SHC4: variants seen among roughly 807,000 people sequenced by gnomAD.
The protein encoded by SHC4 is SHC-transforming protein 4.
A neutral mutation model predicts 69.4 loss-of-function variants in SHC4; 41 were observed. The observed-to-expected ratio is 0.59, with a 90% CI of 0.46 to 0.77. The LOEUF is 0.77. SHC4 is among the 30% of genes least tolerant of loss of function. The pLI is 0.00. For synonymous variants in SHC4, 318 were observed against 299.3 expected, an observed-to-expected ratio of 1.06 and a Z score of -0.64; for missense variants, 777 against 783.8, an observed-to-expected ratio of 0.99 and a Z score of 0.10.
intron 2 of SHC4, among the ~76,000 whole-genome samples, chr15:48,923,725 G>C (rs1900795077): frequency 7.2e-6 from 1 of 138,238 alleles, no homozygotes. Flanking sequence ...CTGAAGCCTT[G>C]AACTCCTGGG....
intron 4 of SHC4, chr15:48,878,097 T>C: frequency 1.3e-6 from 2 of 1,498,658 alleles, no homozygotes; most frequent in East Asian, 2.3e-5. Flanking sequence ...CGCGCAGCCT[T>C]TGCGCACGCG....
chr15:48,848,399 T>G (rs1899139455), intron 9 of SHC4, among the ~76,000 whole-genome samples: 1 of 152,190 alleles, frequency 6.6e-6, no homozygotes. Context: ...AAGTTCCCAG[T>G]TACAATCATT....
At chr15:48,924,801 G>C in intron 2 of SHC4, 78 bp downstream of exon 2, 1 of 1,459,664 alleles carries the variant, frequency 6.9e-7, no homozygotes. Flanking sequence ...TGGAAGGTTT[G>C]CATAAAATTC....
rs1192472989 is a variant in SHC4, at chr15:48,884,342, A to G, written c.746T>C (p.Val249Ala). The G allele has an allele frequency of 4.4e-6, 7 of 1,609,188 alleles. No homozygotes were observed. Among genetic ancestry groups the G allele is most frequent in the African/African-American group, 4.0e-5 (3 of 74,654 alleles). ...RKPPVKFLST[V>A]LGKSNLQFSG... ...AAACTGAAGATTACTTTTGCCAAGG[A>G]CTGTTGATAGGAACTTAACTGGAGG... is the stretch of plus-strand genomic sequence containing the variant. The change falls in exon 4 of 12, where the codon GTC becomes GCC. Residue 249 changes from valine to alanine, a missense_variant. Coordinates refer to ENST00000332408, the MANE Select transcript of SHC4 (RefSeq NM_203349.4).
intron 9 of SHC4, among the ~76,000 whole-genome samples, chr15:48,848,861 T>G (rs1254391055): frequency 6.6e-6 from 1 of 152,138 alleles, no homozygotes; most frequent in African/African-American, 2.4e-5. Context: ...TTGAGAACTC[T>G]TGGGGGAAAA....
chr15:48,918,699 G>GA (rs1290740648), intron 2 of SHC4, among the ~76,000 whole-genome samples: 2 of 151,944 alleles, frequency 1.3e-5, no homozygotes, highest in Admixed American at 6.6e-5. Flanking sequence ...GAGCTCCTGA[G>GA]AAAAAAATGT....
chr15:48,923,635 C>CTTTT (rs59906872), intron 2 of SHC4, among the ~76,000 whole-genome samples: 109 of 92,486 alleles, frequency 1.2e-3, no homozygotes, highest in African/African-American at 2.0e-3. Flanking sequence ...ACTACTCAGT[C>CTTTT]TTTTTTTTTT....
chr15:48,897,250 G>A (rs531387085), intron 2 of SHC4, among the ~76,000 whole-genome samples: 5 of 152,224 alleles, frequency 3.3e-5, no homozygotes, highest in African/African-American at 1.2e-4. Flanking sequence ...TTATTGTTTC[G>A]CCACATGAGA....
At chr15:48,951,923 T>C (rs527503975) in intron 1 of SHC4, among the ~76,000 whole-genome samples, 2 of 152,340 alleles carry the variant, frequency 1.3e-5, no homozygotes, top group East Asian at 1.9e-4. Context: ...GCAAGAATTA[T>C]GTCTCATTCA....
At position 48,962,856 on chromosome 15, in the gene SHC4, C is replaced by G; in HGVS notation, c.160G>C (p.Gly54Arg). ...GSSGGSVGNK[G>R]SPQPPHPALA... The stretch of plus-strand genomic sequence containing the variant: ...GCGGGGTGGGGAGGCTGCGGCGAGC[C>G]CTTGTTCCCGACCGAGCCTCCGGAG... The change falls in exon 1 of 12, where the codon GGC becomes CGC. Residue 54 changes from glycine to arginine, a missense_variant. Gly to Arg is a moderately radical substitution (Grantham distance 125). Transcript: ENST00000332408. The G allele has an allele frequency of 6.2e-7, 1 of 1,613,176 alleles. No homozygotes were observed. The highest frequency in any genetic ancestry group is 8.5e-7 in the Non-Finnish European group (1 of 1,180,028).
chr15:48,930,245 T>C (rs1380324196), intron 1 of SHC4, among the ~76,000 whole-genome samples: 1 of 152,242 alleles, frequency 6.6e-6, no homozygotes, highest in Non-Finnish European at 1.5e-5. Flanking sequence ...TTTATACAAA[T>C]AAGTGTAAAC....
intron 1 of SHC4, chr15:48,946,535 C>G (rs928790772): frequency 4.1e-6 from 4 of 964,006 alleles, no homozygotes; most frequent in Non-Finnish European, 3.7e-6. Flanking sequence ...TAAGTGACAG[C>G]CTAGTTGTAA....
chr15:48,856,174 T>C (rs770633518), intron 7 of SHC4, 50 bp from the exon 8 acceptor site: 11 of 1,549,632 alleles, frequency 7.1e-6, no homozygotes, highest in Non-Finnish European at 8.8e-6. Context: ...ATTCAAATAC[T>C]GTAAGGGATG....
chr15:48,841,830 A>AT (rs1898994113), intron 10 of SHC4, among the ~76,000 whole-genome samples: 1 of 152,250 alleles, frequency 6.6e-6, no homozygotes, highest in South Asian at 2.1e-4. Context: ...GAAAGTCAGC[A>AT]TAAAGAGGGA....
chr15:48,878,944 AAGACCGTT>A (rs1304133910), intron 4 of SHC4: 4 of 495,716 alleles, frequency 8.1e-6, no homozygotes, highest in African/African-American at 7.7e-5. Context: ...AAAAGATTTT[AAGACCGTT>A]GAAATCAATT....
chr15:48,849,289 G>A (rs1899159999), intron 9 of SHC4, among the ~76,000 whole-genome samples: 2 of 151,760 alleles, frequency 1.3e-5, no homozygotes, highest in Admixed American at 1.3e-4. Flanking sequence ...CTCCCTCTCT[G>A]TGCCTGGATA....
rs1901571900 is a variant in SHC4, at chr15:48,962,950, G to A, written c.66C>T (p.Pro22=). 1 of 1,613,042 alleles carries A rather than the reference G, an allele frequency of 6.2e-7. No individual in the cohort carries two copies. The highest frequency in any genetic ancestry group is 1.3e-5 in the African/African-American group (1 of 74,950). The change falls in exon 1 of 12, where the codon CCC becomes CCT. Residue 22 remains proline (P), a synonymous_variant. Coordinates refer to ENST00000332408, the MANE Select transcript of SHC4 (RefSeq NM_203349.4). Reference sequence around the variant, plus strand: ...TGTACTTGGCCCTGTGCAGCATCCCGGGGTGCCCGAAGAGTCCTACATACA... The same window carrying A: ...TGTACTTGGCCCTGTGCAGCATCCCAGGGTGCCCGAAGAGTCCTACATACA... ...LVLYVGLFGH[P]GMLHRAKYSR...
At chr15:48,871,825 A>C (rs1256606687) in intron 5 of SHC4, among the ~76,000 whole-genome samples, 1 of 152,234 alleles carries the variant, frequency 6.6e-6, no homozygotes, top group Non-Finnish European at 1.5e-5. Flanking sequence ...TGATAACTCC[A>C]TGGCTAATAA....
chr15:48,903,537 G>C (rs1567065781), intron 2 of SHC4, among the ~76,000 whole-genome samples: 1 of 151,982 alleles, frequency 6.6e-6, no homozygotes, highest in Non-Finnish European at 1.5e-5. Flanking sequence ...GGACTTTCTG[G>C]GGAACCACCT....
Sources: gnomAD v4.1 joint callset for allele counts (sites outside exome capture counted in the v4.1 genomes callset) on GRCh38, gnomAD v4.1.1 for gene constraint, MANE v1.5 for transcripts, NCBI Gene and HGNC (gene_info 2026-07-23, HGNC 2026-07-21) for gene names.